The following SOX6 variants were observed in gnomAD, a reference collection of about 807,000 sequenced individuals.
SOX6 encodes the protein transcription factor SOX-6.
Under a neutral mutation model 97.8 loss-of-function variants are expected in SOX6, and 11 were observed. That is an observed-to-expected ratio of 0.11 (90% CI 0.07 to 0.19). SOX6 has a LOEUF of 0.19. Among genes scored for constraint, SOX6 ranks in the 10% least tolerant of loss-of-function variants. The pLI, the probability that SOX6 is intolerant of heterozygous loss-of-function variation, is 1.00. For missense variants in SOX6, 810 were observed against 1,039.5 expected, an observed-to-expected ratio of 0.78 and a Z score of 3.04; for synonymous variants, 360 against 371.4, an observed-to-expected ratio of 0.97 and a Z score of 0.35.
At chr11:16,402,284 T>A (rs1858579519) in intron 1 of SOX6, among the ~76,000 whole-genome samples, 1 of 151,690 alleles carries the variant, frequency 6.6e-6, no homozygotes, top group Admixed American at 6.6e-5. Flanking sequence ...AAACTTTCAG[T>A]GATGGAACTC....
At chr11:16,019,108 A>G (rs1172958809) in intron 12 of SOX6, among the ~76,000 whole-genome samples, 3 of 152,076 alleles carry the variant, frequency 2.0e-5, no homozygotes, top group African/African-American at 7.2e-5. Flanking sequence ...CTGAAAAACA[A>G]CACGTGAAAT....
chr11:16,590,888 A>G (rs931089322), intron 4 of SOX6, among the ~76,000 whole-genome samples: 1 of 152,166 alleles, frequency 6.6e-6, no homozygotes, highest in African/African-American at 2.4e-5. Flanking sequence ...AGCACAACAC[A>G]GTGACTACAG....
chr11:16,533,683 G>GGA (rs143999623), intron 4 of SOX6, among the ~76,000 whole-genome samples: 1 of 151,848 alleles, frequency 6.6e-6, no homozygotes, highest in Non-Finnish European at 1.5e-5. Flanking sequence ...CGTTTGAACA[G>GGA]GAGAGAGAGA....
intron 3 of SOX6, among the ~76,000 whole-genome samples, chr11:16,633,101 C>T (rs1308695834): frequency 6.6e-6 from 1 of 152,198 alleles, no homozygotes; most frequent in Non-Finnish European, 1.5e-5. Context: ...AGCTGCTGAA[C>T]CAGGAGAACA....
At chr11:16,258,830 T>TAC (rs138627095) in intron 3 of SOX6, among the ~76,000 whole-genome samples, 62,939 of 149,642 alleles carry the variant, frequency 0.42, 14,085 homozygotes, top group Non-Finnish European at 0.48. Context: ...TACATGTATA[T>TAC]ACACACACAC....
intron 6 of SOX6, among the ~76,000 whole-genome samples, chr11:16,161,757 A>G (rs922148085): frequency 6.6e-6 from 1 of 152,200 alleles, no homozygotes; most frequent in Non-Finnish European, 1.5e-5. Flanking sequence ...GGCACATGGT[A>G]GTACTTACTG....
At chr11:16,430,800 C>T (rs999767714) in intron 1 of SOX6, among the ~76,000 whole-genome samples, 1 of 152,176 alleles carries the variant, frequency 6.6e-6, no homozygotes, top group Non-Finnish European at 1.5e-5. Context: ...ATAGTCTATA[C>T]TCAACACAGT....
At chr11:16,005,952 T>C (rs552197937) in intron 13 of SOX6, among the ~76,000 whole-genome samples, 2 of 151,906 alleles carry the variant, frequency 1.3e-5, no homozygotes, top group South Asian at 2.1e-4. Context: ...TAAATATCCA[T>C]TGAACAAAAA....
At chr11:16,460,324 C>G (rs919316368) in intron 1 of SOX6, among the ~76,000 whole-genome samples, 1 of 151,938 alleles carries the variant, frequency 6.6e-6, no homozygotes, top group South Asian at 2.1e-4. Context: ...TATATTTTAT[C>G]TCCACTCACA....
At chr11:16,421,571 A>G (rs1859022439) in intron 1 of SOX6, among the ~76,000 whole-genome samples, 1 of 152,154 alleles carries the variant, frequency 6.6e-6, no homozygotes, top group Admixed American at 6.6e-5. Flanking sequence ...CATTATCTCA[A>G]TTAAACATCT....
At chr11:16,431,979 T>C (rs1199599924) in intron 1 of SOX6, among the ~76,000 whole-genome samples, 1 of 152,128 alleles carries the variant, frequency 6.6e-6, no homozygotes, top group Non-Finnish European at 1.5e-5. Context: ...CTGAATTATA[T>C]TTAGAAACAA....
At chr11:16,139,423 T>C (rs1468271914) in intron 6 of SOX6, among the ~76,000 whole-genome samples, 1 of 152,192 alleles carries the variant, frequency 6.6e-6, no homozygotes, top group African/African-American at 2.4e-5. Flanking sequence ...CTTTTATTTT[T>C]TCATTTATTC....
intron 12 of SOX6, among the ~76,000 whole-genome samples, chr11:16,016,837 G>A (rs1376265411): frequency 6.6e-6 from 1 of 152,018 alleles, no homozygotes; most frequent in African/African-American, 2.4e-5. Flanking sequence ...GAGTTTTGAT[G>A]TGACACCTGC....
At chr11:16,196,792 G>A (rs1227108528) in intron 4 of SOX6, among the ~76,000 whole-genome samples, 1 of 148,710 alleles carries the variant, frequency 6.7e-6, no homozygotes. Flanking sequence ...TTCCCCAACA[G>A]ACTGATTTGA....
At chr11:16,303,857 G>A (rs1407472912) in intron 3 of SOX6, among the ~76,000 whole-genome samples, 2 of 152,102 alleles carry the variant, frequency 1.3e-5, no homozygotes, top group African/African-American at 4.8e-5. Context: ...GCATACCTAA[G>A]CATATCATTT....
At position 16,314,654 on chromosome 11, in the gene SOX6, A is replaced by C. The variant is rs553220579; in HGVS notation, c.445+3792T>G. ...GTCTGTAAACTTTTGTGGAAAAATT[A>C]TTTTTCACTAGACTGTATTGAAAAT... On this transcript the variant is annotated intron_variant, in intron 3 of 15. Coordinates refer to ENST00000683767, the MANE Select transcript of SOX6 (RefSeq NM_001367873.1). 2.5e-4 allele frequency: 38 copies of C among 152,240 alleles called. 2 individuals are homozygous for C. Among genetic ancestry groups the C allele is most frequent in the African/African-American group, 8.9e-4 (37 of 41,532 alleles). 9.4% of individuals were successfully genotyped at this position (152,240 alleles called of 1,614,324 possible).
intron 1 of SOX6, among the ~76,000 whole-genome samples, chr11:16,391,275 C>T (rs532427692): frequency 7.2e-5 from 11 of 152,006 alleles, no homozygotes; most frequent in Non-Finnish European, 5.9e-5. Context: ...CACCATGGCA[C>T]GTGTATACCT....
intron 8 of SOX6, 55 bp downstream of exon 8, chr11:16,097,554 A>G: frequency 6.9e-7 from 1 of 1,454,882 alleles, no homozygotes; most frequent in South Asian, 1.1e-5. Flanking sequence ...GCTGGTTAGC[A>G]GTTTTCCACT....
chr11:16,289,508 C>A (rs1337043346), intron 3 of SOX6, among the ~76,000 whole-genome samples: 4 of 151,996 alleles, frequency 2.6e-5, no homozygotes, highest in African/African-American at 9.6e-5. Context: ...GATTGCTATG[C>A]CTAAAGACAT....
Sources: gnomAD v4.1 joint callset for allele counts (sites outside exome capture counted in the v4.1 genomes callset) on GRCh38, gnomAD v4.1.1 for gene constraint, MANE v1.5 for transcripts, NCBI Gene and HGNC (gene_info 2026-07-23, HGNC 2026-07-21) for gene names.